The following NOTCH2 variants were observed in gnomAD, a reference collection of about 807,000 sequenced individuals.
NOTCH2 encodes the protein neurogenic locus notch homolog protein 2.
NOTCH2 carries 29 observed loss-of-function variants against 235.8 expected under a neutral mutation model. The observed-to-expected ratio is 0.12, with a 90% CI of 0.09 to 0.17. The LOEUF (loss-of-function observed/expected upper bound fraction) is 0.17. Ranked by LOEUF, NOTCH2 falls within the 10% of genes least tolerant of loss-of-function variation. The pLI, the probability that NOTCH2 is intolerant of heterozygous loss-of-function variation, is 1.00. For synonymous variants in NOTCH2, 1,086 were observed against 1,141.5 expected (o/e 0.95, Z 0.98); for missense variants, 2,285 against 3,150.2 (o/e 0.73, Z 6.57).
At chr1:119,934,253 G>C (rs1553195483) in intron 22 of NOTCH2, among the ~76,000 whole-genome samples, 1 of 152,188 alleles carries the variant, frequency 6.6e-6, no homozygotes, top group Non-Finnish European at 1.5e-5. Context: ...GCTCACACCA[G>C]AGGCAGATGC....
At chr1:119,947,554 G>T (rs1340188029) in intron 17 of NOTCH2, among the ~76,000 whole-genome samples, 4 of 152,152 alleles carry the variant, frequency 2.6e-5, no homozygotes, top group Admixed American at 6.5e-5. Flanking sequence ...ATACAATTCT[G>T]GTGAGAATGA....
At chr1:119,944,382 A>C (rs1202204179) in intron 17 of NOTCH2, among the ~76,000 whole-genome samples, 1 of 152,050 alleles carries the variant, frequency 6.6e-6, no homozygotes, top group East Asian at 1.9e-4. Context: ...AAAAATACAA[A>C]AAATCAGCCG....
chr1:119,923,534 T>C, intron 26 of NOTCH2, 103 bp downstream of exon 26: 1 of 1,031,712 alleles, frequency 9.7e-7, no homozygotes, highest in Non-Finnish European at 1.5e-6. Context: ...CATTCTATTT[T>C]TCTGATCTTT....
chr1:119,999,146 A>C (rs1159805188), intron 3 of NOTCH2, among the ~76,000 whole-genome samples: 41 of 146,732 alleles, frequency 2.8e-4, no homozygotes, highest in Non-Finnish European at 4.7e-4. Context: ...GCCGCAATAA[A>C]CATACGTGTG....
intron 20 of NOTCH2, 87 bp downstream of exon 20, chr1:119,937,769 AT>A (rs1649911054): frequency 9.4e-6 from 14 of 1,492,892 alleles, no homozygotes; most frequent in Non-Finnish European, 1.3e-5. Context: ...CTTCCCTCTT[AT>A]TCCACAAAAA....
intron 5 of NOTCH2, among the ~76,000 whole-genome samples, chr1:119,975,507 A>G (rs1651539511): frequency 6.6e-6 from 1 of 152,086 alleles, no homozygotes; most frequent in South Asian, 2.1e-4. Flanking sequence ...TTAACTGGGC[A>G]TGATGGTGCA....
intron 15 of NOTCH2, among the ~76,000 whole-genome samples, chr1:119,949,387 T>C (rs1278010969): frequency 9.6e-5 from 14 of 145,648 alleles, no homozygotes; most frequent in Non-Finnish European, 2.0e-4. Context: ...CTATTTCTTT[T>C]TTTTTTTTTT....
chr1:119,955,767 C>A (rs1377968953), intron 12 of NOTCH2, among the ~76,000 whole-genome samples: 2 of 152,104 alleles, frequency 1.3e-5, no homozygotes, highest in East Asian at 1.9e-4. Context: ...TTCTTAGAGT[C>A]TATTAATCCA....
intron 2 of NOTCH2, among the ~76,000 whole-genome samples, chr1:120,023,340 G>T (rs1331957575): frequency 6.6e-6 from 1 of 151,298 alleles, no homozygotes; most frequent in Non-Finnish European, 1.5e-5. Context: ...GAGAGGCTGA[G>T]GCAGGAGAAT....
chr1:120,067,242 G>A (rs587644847), intron 1 of NOTCH2, among the ~76,000 whole-genome samples: 34 of 107,718 alleles, frequency 3.2e-4, no homozygotes, highest in Middle Eastern at 4.0e-3. Context: ...ACCGAGAAAC[G>A]GCTTCTAAAT....
chr1:120,066,473 G>C (rs1199213322), intron 1 of NOTCH2, among the ~76,000 whole-genome samples: 1 of 147,634 alleles, frequency 6.8e-6, no homozygotes, highest in Non-Finnish European at 1.5e-5. Context: ...GTAGGGAGGA[G>C]GATCACTAGG....
intron 8 of NOTCH2, among the ~76,000 whole-genome samples, chr1:119,966,841 C>T (rs1323960888): frequency 1.3e-5 from 2 of 152,194 alleles, no homozygotes; most frequent in Admixed American, 6.5e-5. Context: ...ACAAGCTGAG[C>T]TGGAGCTGTT....
intron 15 of NOTCH2, 90 bp from the exon 16 acceptor site, chr1:119,949,216 C>G: frequency 7.3e-7 from 1 of 1,365,768 alleles, no homozygotes; most frequent in Non-Finnish European, 1.0e-6. Flanking sequence ...GAATTCAAGT[C>G]AAAAGTCCTG....
In NOTCH2 at chr1:119,937,893, G is replaced by A. The variant is rs1401457961; in HGVS notation, c.3301C>T (p.Pro1101Ser). 1.2e-6 allele frequency: 2 copies of A among 1,614,184 alleles called. No individual in the cohort carries two copies. The highest frequency in any genetic ancestry group is 1.7e-6 in the Non-Finnish European group (2 of 1,180,042). ...SGWAGAYCDV[P>S]NVSCDIAASR... The stretch of plus-strand genomic sequence containing the variant: ...GCTGCTATGTCACAAGAGACATTGG[G>A]CACGTCACAATAGGCACCAGCCCAT... Residue 1101 changes from proline to serine, a missense_variant, in exon 20 of 34, where the codon CCC (proline) becomes TCC (serine). Coordinates refer to ENST00000256646, the MANE Select transcript of NOTCH2 (RefSeq NM_024408.4).
chr1:120,028,453 C>T (rs2691711), intron 2 of NOTCH2, among the ~76,000 whole-genome samples: 16 of 151,462 alleles, frequency 1.1e-4, no homozygotes, highest in African/African-American at 3.4e-4. Flanking sequence ...TTTTTTTTCC[C>T]CCAGCTAGAA....
At chr1:119,957,388 T>A (rs1438033046) in intron 12 of NOTCH2, among the ~76,000 whole-genome samples, 1 of 152,214 alleles carries the variant, frequency 6.6e-6, no homozygotes, top group African/African-American at 2.4e-5. Context: ...TATCACATAA[T>A]TCCTTACATT....
At chr1:119,935,627 A>C in intron 21 of NOTCH2, 23 bp from the exon 22 acceptor site, 1 of 1,613,530 alleles carries the variant, frequency 6.2e-7, no homozygotes, top group Non-Finnish European at 8.5e-7. Context: ...AACAAAAAGG[A>C]CAAGAAATAT....
At chr1:119,977,370 C>T (rs1651626389) in intron 5 of NOTCH2, among the ~76,000 whole-genome samples, 1 of 152,176 alleles carries the variant, frequency 6.6e-6, no homozygotes, top group African/African-American at 2.4e-5. Context: ...ATTTGTATCA[C>T]ACCCAGATTC....
intron 2 of NOTCH2, among the ~76,000 whole-genome samples, chr1:120,029,499 C>T (rs587616339): frequency 3.1e-4 from 47 of 150,486 alleles, no homozygotes; most frequent in Middle Eastern, 3.4e-3. Context: ...TCCAGTCATG[C>T]GCCACCACAC....
Sources: allele counts gnomAD v4.1 joint callset (sites outside exome capture counted in the v4.1 genomes callset), GRCh38; gene constraint gnomAD v4.1.1; transcripts MANE v1.5; gene names NCBI Gene and HGNC (gene_info 2026-07-23, HGNC 2026-07-21).